Variants in BRCA1 observed in about 807,000 individuals in gnomAD.
BRCA1 encodes the protein BRCA1 DNA repair associated, also known as breast cancer type 1 susceptibility protein.
In BRCA1, 140 loss-of-function variants were observed where a neutral mutation model predicts 173.7. The observed-to-expected ratio is 0.81, with a 90% CI of 0.70 to 0.93. The LOEUF (loss-of-function observed/expected upper bound fraction) is 0.93. BRCA1 is among the 40% of genes least tolerant of loss of function. The pLI is 0.00. For synonymous variants in BRCA1, 662 were observed against 756.0 expected (o/e 0.88, Z 2.04); for missense variants, 1,983 against 2,172.5 (o/e 0.91, Z 1.73).
chr17:43,109,049 T>C (rs913560799), intron 3 of BRCA1, among the ~76,000 whole-genome samples: 5 of 152,082 alleles, frequency 3.3e-5, no homozygotes, highest in East Asian at 3.8e-4. Flanking sequence ...TCTCTATCTA[T>C]CTACCTACCT....
rs1177812250 is a variant in BRCA1, at chr17:43,063,307, G to C, written c.5193+26C>G. ...CTATATGACTGAATGAATATCTCTG[G>C]TTAGTTTGTAACATCAAGTACTTAC... On this transcript the variant is annotated intron_variant, in intron 18 of 22. Transcript: ENST00000357654. The C allele has an allele frequency of 6.4e-7, 1 of 1,570,876 alleles. No individual in the cohort carries two copies. Among genetic ancestry groups the C allele is most frequent in the Admixed American group, 1.7e-5 (1 of 59,942 alleles).
At chr17:43,132,280 G>A (rs2055973793) in intron 1 of BRCA1, among the ~76,000 whole-genome samples, 1 of 152,038 alleles carries the variant, frequency 6.6e-6, no homozygotes, top group African/African-American at 2.4e-5. Context: ...AGAAATTTCT[G>A]TCTTCAGTGC....
At chr17:43,148,840 A>C (rs1233343712) in intron 1 of BRCA1, 1 of 168,076 alleles carries the variant, frequency 5.9e-6, no homozygotes, top group Non-Finnish European at 1.5e-5. Context: ...CTATCTCCAA[A>C]TCTGTATTCA....
intron 1 of BRCA1, among the ~76,000 whole-genome samples, chr17:43,152,002 C>CA (rs1181709570): frequency 6.6e-6 from 1 of 152,200 alleles, no homozygotes; most frequent in Non-Finnish European, 1.5e-5. Flanking sequence ...TAAATATCAT[C>CA]ATAAATAACA....
At chr17:43,125,641 C>G (rs992949336), upstream of BRCA1, 1 of 241,330 alleles carries the variant, frequency 4.1e-6, no homozygotes, top group African/African-American at 2.3e-5. Context: ...CTCTACTCTT[C>G]CAGTTGCGGC....
At chr17:43,141,984 T>G (rs551222254) in intron 1 of BRCA1, among the ~76,000 whole-genome samples, 1 of 152,062 alleles carries the variant, frequency 6.6e-6, no homozygotes, top group South Asian at 2.1e-4. Flanking sequence ...CAGTCTCGGC[T>G]CACTGCAACC....
At chr17:43,149,168 G>A (rs975376388) in intron 1 of BRCA1, among the ~76,000 whole-genome samples, 6 of 150,096 alleles carry the variant, frequency 4.0e-5, no homozygotes, top group Non-Finnish European at 7.4e-5. Context: ...GCACGATCTC[G>A]GCTCACTGCA....
intron 22 of BRCA1, among the ~76,000 whole-genome samples, chr17:43,046,716 C>T (rs976605799): frequency 2.0e-5 from 3 of 149,224 alleles, no homozygotes; most frequent in Non-Finnish European, 4.4e-5. Flanking sequence ...GACTGGGCCA[C>T]TGCACTCCAG....
At position 43,097,582 on chromosome 17, in the gene BRCA1, C is replaced by T. The variant is rs117281398; in HGVS notation, c.548-293G>A. On this transcript the variant is annotated intron_variant, in intron 7 of 22. Transcript: ENST00000357654. The stretch of plus-strand genomic sequence containing the variant: ...AGCCTGGCCAACAAAGTGAGACCCC[C>T]GTTTCTACTGAAAACAAAAACAAAA... Among the ~76,000 whole-genome samples, 1,839 of 152,080 alleles carry T rather than the reference C, an allele frequency of 0.012. 15 individuals carry two copies. Among genetic ancestry groups the T allele is most frequent in the Non-Finnish European group, 0.018 (1,233 of 68,004 alleles).
intron 17 of BRCA1, 127 bp downstream of exon 17, chr17:43,063,747 T>C (rs1284861252): frequency 4.0e-6 from 3 of 751,448 alleles, no homozygotes; most frequent in South Asian, 3.2e-5. Context: ...TAGTTTAGTA[T>C]TACAATTAAA....
At chr17:43,068,783 A>C (rs2052261876) in intron 15 of BRCA1, among the ~76,000 whole-genome samples, 1 of 152,138 alleles carries the variant, frequency 6.6e-6, no homozygotes, top group South Asian at 2.1e-4. Context: ...AAAACACTGA[A>C]ATCAGGATGT....
At chr17:43,167,971 G>C (rs1312133395) in intron 1 of BRCA1, 2 of 180,378 alleles carry the variant, frequency 1.1e-5, no homozygotes, top group Non-Finnish European at 2.3e-5. Context: ...GAGAGGAGTG[G>C]GAGAGGCAGA....
At position 43,136,975 on chromosome 17, in the gene BRCA1, T is replaced by A. The variant is rs181671593; in HGVS notation, c.-19-12860A>T. Among the ~76,000 whole-genome samples the A allele has an allele frequency of 6.6e-4, 101 of 152,190 alleles. No homozygotes were observed. The Middle Eastern group carries it at 0.014, about 21-fold the overall frequency. ...TAAATCATGCTGCTATAAAGACAAA[T>A]GCACACGTATGTTCATTGCGGCACT... On this transcript the variant is annotated intron_variant, in intron 1 of 7. Transcript: ENST00000634433.
At chr17:43,127,993 C>T (rs150138755), upstream of BRCA1, among the ~76,000 whole-genome samples, 1,535 of 135,124 alleles carry the variant, frequency 0.011, 91 homozygotes, top group East Asian at 0.19. Flanking sequence ...CACTGCATTC[C>T]AGCCTGGGTG....
At chr17:43,096,111 T>C (rs1017635452) in intron 8 of BRCA1, among the ~76,000 whole-genome samples, 189 bp from the exon 9 acceptor site, 1 of 152,110 alleles carries the variant, frequency 6.6e-6, no homozygotes, top group African/African-American at 2.4e-5. Context: ...GCACGGTGGC[T>C]CAAGCCTGTA....
At position 43,067,622 on chromosome 17, in the gene BRCA1, A is replaced by C. The variant is rs1555579627; in HGVS notation, c.5060T>G (p.Val1687Gly). 1 of 1,611,944 alleles carries C rather than the reference A, an allele frequency of 6.2e-7. No individual in the cohort carries two copies. The highest frequency in any genetic ancestry group is 8.5e-7 in the Non-Finnish European group (1 of 1,178,012). Residue 1687 changes from valine to glycine, a missense_variant, in exon 16 of 23, where the codon GTT (valine) becomes GGT (glycine). Val to Gly is a moderately radical substitution (Grantham distance 109). Coordinates refer to ENST00000357654, the MANE Select transcript of BRCA1 (RefSeq NM_007294.4). ...TCTTGGTATACCTGTTTTCATAACA[A>C]CATGAGTAGTCTCTTCAGTAATTAG... ...TNLITEETTHVVMKTDAEFVC... is the reference protein window; with the variant it reads ...TNLITEETTHGVMKTDAEFVC...
intron 12 of BRCA1, among the ~76,000 whole-genome samples, chr17:43,077,974 A>T (rs2052818600): frequency 6.6e-6 from 1 of 151,804 alleles, no homozygotes; most frequent in Non-Finnish European, 1.5e-5. Flanking sequence ...ACCTCAGGTG[A>T]TCTGCCTGCC....
At chr17:43,145,321 T>TTGTC in intron 1 of BRCA1, 8 of 467,354 alleles carry the variant, frequency 1.7e-5, no homozygotes, top group Non-Finnish European at 3.2e-5. Context: ...GAGGAATTTT[T>TTGTC]TTTCTTTCTT....
At chr17:43,150,016 T>A (rs928753874) in intron 1 of BRCA1, among the ~76,000 whole-genome samples, 8 of 152,076 alleles carry the variant, frequency 5.3e-5, no homozygotes, top group Non-Finnish European at 1.2e-4. Flanking sequence ...CTCAAACTCC[T>A]GACCTCAGGT....
Sources: allele counts gnomAD v4.1 joint callset (sites outside exome capture counted in the v4.1 genomes callset), GRCh38; gene constraint gnomAD v4.1.1; transcripts MANE v1.5; gene names NCBI Gene and HGNC (gene_info 2026-07-23, HGNC 2026-07-21).